Variants in SMIM13 observed in about 807,000 individuals in gnomAD.
SMIM13 encodes UPF0766 protein C6orf228.
Under a neutral mutation model 5.9 loss-of-function variants are expected in SMIM13, and 3 were observed. That is an observed-to-expected ratio of 0.51 (90% CI 0.23 to 1.31). SMIM13 has a LOEUF of 1.31. SMIM13 is among the 40% of genes most tolerant of loss of function. The probability of loss-of-function intolerance (pLI) is 0.18; values close to 1 mark genes in which losing one functional copy is unlikely to be tolerated. For missense variants in SMIM13, 85 were observed against 109.9 expected (o/e 0.77, Z 1.01); for synonymous variants, 55 against 46.0 (o/e 1.19, Z -0.79).
chr6:11,096,336 C>G (rs1757922581), intron 1 of SMIM13, among the ~76,000 whole-genome samples: 1 of 152,286 alleles, frequency 6.6e-6, no homozygotes, highest in South Asian at 2.1e-4. Context: ...TGGTATGTCG[C>G]TGATCAGACA....
rs776985820 is a variant in SMIM13 at position 11,103,692 on chromosome 6, C to A, written c.76+9303C>A. 9.7e-6 allele frequency: 15 copies of A among 1,548,512 alleles called. No individual in the cohort carries two copies. In the Middle Eastern group the frequency reaches 1.5e-3, roughly 155 times the overall value. ...CACTAGCGAGCAGTCTAGGGGTCCT[C>A]CTTAGAAGGGTGACTCTTGAATATT... On this transcript the variant is annotated intron_variant, in intron 1 of 1. Coordinates refer to ENST00000416247, the MANE Select transcript of SMIM13 (RefSeq NM_001135575.2).
At chr6:11,097,361 A>G (rs1434927990) in intron 1 of SMIM13, among the ~76,000 whole-genome samples, 5 of 152,096 alleles carry the variant, frequency 3.3e-5, no homozygotes, top group Non-Finnish European at 7.4e-5. Flanking sequence ...CTCTTTAAAA[A>G]TCTTTATCTG....
rs1379213800 is a variant in SMIM13, at chr6:11,094,395, T to TACC, written c.76+6_76+7insACC. ...CCTGCTGCTGATGGTGTGCGGTGAG[T>TACC]GGGGGCGGTAGCCGCGAGGCAGTTC... On this transcript the variant is annotated splice_region_variant and intron_variant, in intron 1 of 1. Coordinates refer to ENST00000416247, the MANE Select transcript of SMIM13 (RefSeq NM_001135575.2). 74 of 1,533,130 alleles carry TACC rather than the reference T, an allele frequency of 4.8e-5. No individual in the cohort carries two copies. In the Admixed American group the frequency reaches 8.5e-4, roughly 18 times the overall value. The allele number at this position is 1,533,130 out of a possible 1,614,324, so 95.0% of individuals were successfully genotyped here. A position where few individuals can be genotyped will look rare whatever the true frequency, so the allele number is the denominator to read the frequency against.
chr6:11,115,314 C>T (rs1318137530), intron 1 of SMIM13, among the ~76,000 whole-genome samples: 1 of 152,292 alleles, frequency 6.6e-6, no homozygotes, highest in African/African-American at 2.4e-5. Context: ...TAGCTGGGTC[C>T]TCTGCTCCTA....
At chr6:11,116,105 C>T (rs991770899) in intron 1 of SMIM13, among the ~76,000 whole-genome samples, 8 of 148,610 alleles carry the variant, frequency 5.4e-5, no homozygotes, top group Non-Finnish European at 1.2e-4. Flanking sequence ...GCAACCTCCG[C>T]CTCCCAGGTT....
chr6:11,126,184 G>T (rs531146948), intron 1 of SMIM13, among the ~76,000 whole-genome samples: 123 of 152,228 alleles, frequency 8.1e-4, no homozygotes, highest in African/African-American at 2.7e-3. Context: ...CGAGTATCTG[G>T]GACTACAGGT....
chr6:11,108,632 A>G (rs911972762), intron 1 of SMIM13, among the ~76,000 whole-genome samples: 3 of 152,200 alleles, frequency 2.0e-5, no homozygotes, highest in African/African-American at 7.2e-5. Context: ...CAGGGCAGTC[A>G]GTAGTTGGAG....
chr6:11,100,720 A>G (rs887863318), intron 1 of SMIM13, among the ~76,000 whole-genome samples: 1 of 152,116 alleles, frequency 6.6e-6, no homozygotes, highest in Non-Finnish European at 1.5e-5. Context: ...TACTTGATTG[A>G]TAATTTGAAT....
intron 1 of SMIM13, among the ~76,000 whole-genome samples, chr6:11,110,029 A>G (rs929661597): frequency 6.6e-6 from 1 of 152,096 alleles, no homozygotes; most frequent in Non-Finnish European, 1.5e-5. Context: ...CTTACCAGGT[A>G]CCCCTAACCT....
intron 1 of SMIM13, among the ~76,000 whole-genome samples, chr6:11,130,269 AC>A (rs375752440): frequency 0.034 from 4,189 of 122,448 alleles, 70 homozygotes; most frequent in South Asian, 0.056. Flanking sequence ...AAAAAAAAAA[AC>A]AACAACAACA....
intron 1 of SMIM13, chr6:11,103,966 G>T: frequency 3.2e-6 from 5 of 1,551,658 alleles, no homozygotes; most frequent in Non-Finnish European, 4.4e-6. Flanking sequence ...ATGTTGTCTT[G>T]TACTTTTCCT....
intron 1 of SMIM13, chr6:11,102,536 C>T (rs1034495097): frequency 1.3e-5 from 2 of 152,170 alleles, no homozygotes. Context: ...CATGAACAGG[C>T]AGGGCCAAAC....
At chr6:11,111,420 G>A (rs1758164582) in intron 1 of SMIM13, among the ~76,000 whole-genome samples, 1 of 152,182 alleles carries the variant, frequency 6.6e-6, no homozygotes, top group African/African-American at 2.4e-5. Context: ...TAGCCCTACC[G>A]CTCTCATCAG....
chr6:11,099,793 A>T (rs922832881), intron 1 of SMIM13, among the ~76,000 whole-genome samples: 1 of 152,156 alleles, frequency 6.6e-6, no homozygotes, highest in African/African-American at 2.4e-5. Flanking sequence ...TTACAGACCT[A>T]AATAGCCACT....
At chr6:11,126,154 A>G (rs1480635522) in intron 1 of SMIM13, among the ~76,000 whole-genome samples, 1 of 152,100 alleles carries the variant, frequency 6.6e-6, no homozygotes, top group Non-Finnish European at 1.5e-5. Context: ...GGTTCAAGCA[A>G]TTCTCCTGCC....
In SMIM13 at chr6:11,137,470, AGGTG is replaced by A. The variant is rs1758530101; in HGVS notation, c.*2870_*2873del. ...CAACTACATTTGCAGTCTCAGTGGG[AGGTG>A]GACTAGCCTGTGGTTAATTTTAGAG... On this transcript the variant is annotated 3_prime_UTR_variant, in exon 2 of 2. Transcript: ENST00000416247. 6.6e-6 allele frequency: 1 copy of A among 152,246 alleles called. No individual in the cohort carries two copies. Among genetic ancestry groups the A allele is most frequent in the Admixed American group, 6.5e-5 (1 of 15,282 alleles). The allele number at this position is 152,246 out of a possible 1,614,324, so 9.4% of individuals were successfully genotyped here.
At position 11,117,956 on chromosome 6, in the gene SMIM13, G is replaced by A. The variant is rs555926843; in HGVS notation, c.77-16447G>A. On this transcript the variant is annotated intron_variant, in intron 1 of 1. Transcript: ENST00000416247. ...TCACCATGTTGGCCAGGCTGGTCTC[G>A]AACTCCTGACCTCAGGTGACCCGCC... Among the ~76,000 whole-genome samples the A allele has an allele frequency of 2.9e-3, 440 of 152,122 alleles. 1 individual carries two copies. The highest frequency in any genetic ancestry group is 5.5e-3 in the Non-Finnish European group (375 of 67,962).
At chr6:11,104,843 C>G (rs764429308) in intron 1 of SMIM13, 9 of 1,614,034 alleles carry the variant, frequency 5.6e-6, no homozygotes, top group Middle Eastern at 1.6e-4. Context: ...TTTGGTAAGT[C>G]TGTTGGTTAG....
intron 1 of SMIM13, among the ~76,000 whole-genome samples, chr6:11,128,171 A>C (rs948854259): frequency 6.6e-6 from 1 of 152,160 alleles, no homozygotes; most frequent in South Asian, 2.1e-4. Context: ...CAAGGCCCTC[A>C]GTAAGTACTG....
Sources: gnomAD v4.1 joint callset for allele counts (sites outside exome capture counted in the v4.1 genomes callset) on GRCh38, gnomAD v4.1.1 for gene constraint, MANE v1.5 for transcripts, NCBI Gene and HGNC (gene_info 2026-07-23, HGNC 2026-07-21) for gene names.